The following PACRG variants were observed in gnomAD, a reference collection of about 807,000 sequenced individuals.
PACRG encodes the protein parkin coregulated.
A neutral mutation model predicts 29.7 loss-of-function variants in PACRG; 29 were observed. The ratio of observed to expected loss-of-function variants is 0.98; its 90% confidence interval spans 0.73 to 1.33. The LOEUF is 1.33. Among genes scored for constraint, PACRG ranks in the 40% most tolerant of loss-of-function variants. PACRG has a pLI of 0.00. For synonymous variants in PACRG, 116 were observed against 118.7 expected, an observed-to-expected ratio of 0.98 and a Z score of 0.15; for missense variants, 279 against 316.2, an observed-to-expected ratio of 0.88 and a Z score of 0.89.
At chr6:163,081,633 G>A (rs1813085951) in intron 3 of PACRG, among the ~76,000 whole-genome samples, 1 of 152,140 alleles carries the variant, frequency 6.6e-6, no homozygotes, top group South Asian at 2.1e-4. Flanking sequence ...GTGTGTGCCT[G>A]TAGTTCCAGC....
In PACRG at chr6:162,922,512, C is replaced by G. The variant is rs185831833; in HGVS notation, c.291+108231C>G. Among the ~76,000 whole-genome samples, 3 of 151,902 alleles carry G rather than the reference C, an allele frequency of 2.0e-5. No homozygotes were observed. The East Asian group carries it at 5.8e-4, about 29-fold the overall frequency. On this transcript the variant is annotated intron_variant, in intron 2 of 4. Transcript: ENST00000366888. Reference sequence around the variant, plus strand: ...ACCCTGCAGTGCAGTGGAACATATTCCTCCTATGTAGCTATAATTTGGTAT... The same window carrying G: ...ACCCTGCAGTGCAGTGGAACATATTGCTCCTATGTAGCTATAATTTGGTAT...
intron 2 of PACRG, among the ~76,000 whole-genome samples, chr6:162,997,163 ACTTTT>A (rs1173743776): frequency 6.6e-6 from 1 of 152,172 alleles, no homozygotes; most frequent in Non-Finnish European, 1.5e-5. Context: ...CCATTTTCTT[ACTTTT>A]CTTCAGAAAA....
chr6:162,762,745 A>C (rs1782477285), intron 1 of PACRG, among the ~76,000 whole-genome samples: 1 of 152,222 alleles, frequency 6.6e-6, no homozygotes, highest in Admixed American at 6.5e-5. Flanking sequence ...TTTAAAAATC[A>C]ATTTTACATA....
At chr6:162,962,824 G>A (rs1365778852) in intron 2 of PACRG, among the ~76,000 whole-genome samples, 1 of 152,196 alleles carries the variant, frequency 6.6e-6, no homozygotes, top group Non-Finnish European at 1.5e-5. Flanking sequence ...GAAGACAATG[G>A]ATAGTGACTG....
intron 1 of PACRG, among the ~76,000 whole-genome samples, chr6:162,786,448 C>T (rs1428629763): frequency 6.6e-6 from 1 of 152,146 alleles, no homozygotes; most frequent in Non-Finnish European, 1.5e-5. Flanking sequence ...GCCAATAGAA[C>T]ATGTGTGGAA....
At chr6:162,958,882 TATAGAGAGAGAGAGAGAGAGAGAGAGAG>T (rs1330531156) in intron 2 of PACRG, among the ~76,000 whole-genome samples, 13 of 15,122 alleles carry the variant, frequency 8.6e-4, no homozygotes, top group Non-Finnish European at 1.4e-3. Context: ...TATATATATA[TATAGAGAGAGAGAGAGAGAGAGAGAGAG>T]AGAGAGAGAG....
chr6:163,273,145 G>A (rs1420959098), intron 4 of PACRG, among the ~76,000 whole-genome samples: 4 of 146,314 alleles, frequency 2.7e-5, no homozygotes, highest in Admixed American at 1.3e-4. Context: ...CGCCCGCCTC[G>A]GCCTCCCAAA....
intron 3 of PACRG, among the ~76,000 whole-genome samples, chr6:163,083,048 C>CT (rs908564589): frequency 8.5e-5 from 13 of 152,300 alleles, no homozygotes; most frequent in African/African-American, 3.1e-4. Flanking sequence ...ATCAGGGCGT[C>CT]TCCTCTTTTC....
chr6:162,783,400 T>C (rs1302090672), intron 1 of PACRG, among the ~76,000 whole-genome samples: 4 of 151,978 alleles, frequency 2.6e-5, no homozygotes, highest in African/African-American at 7.2e-5. Context: ...TTTTTAAGCA[T>C]TCTTACTCAT....
intron 2 of PACRG, among the ~76,000 whole-genome samples, chr6:163,018,448 C>T (rs1379213811): frequency 6.6e-6 from 1 of 152,202 alleles, no homozygotes; most frequent in East Asian, 1.9e-4. Flanking sequence ...AGTATTCCCT[C>T]ATTTGTTAAG....
In PACRG at chr6:163,292,265, G is replaced by A. The variant is rs553869836; in HGVS notation, c.614-22562G>A. 2.6e-5 allele frequency among the ~76,000 whole-genome samples: 4 copies of A among 152,218 alleles called. No individual in the cohort carries two copies. In the East Asian group the frequency reaches 7.7e-4, roughly 29 times the overall value. ...CAGCTCCTCCTGCACTTTCACAAGT[G>A]GCAAGACCCAACTCTTTTGGTAGCG... is the stretch of plus-strand genomic sequence containing the variant. On this transcript the variant is annotated intron_variant, in intron 4 of 4. Transcript: ENST00000366888.
At chr6:163,167,633 T>G (rs982215442) in intron 4 of PACRG, among the ~76,000 whole-genome samples, 4 of 152,206 alleles carry the variant, frequency 2.6e-5, no homozygotes, top group African/African-American at 9.6e-5. Flanking sequence ...AACATAAAAT[T>G]GTATCATTTT....
intron 2 of PACRG, among the ~76,000 whole-genome samples, chr6:162,878,480 A>G (rs976264189): frequency 6.6e-6 from 1 of 152,180 alleles, no homozygotes; most frequent in Non-Finnish European, 1.5e-5. Context: ...CAAATATTGA[A>G]TAGACTGAAT....
chr6:162,785,434 C>T (rs1221279852), intron 1 of PACRG, among the ~76,000 whole-genome samples: 1 of 152,164 alleles, frequency 6.6e-6, no homozygotes, highest in East Asian at 1.9e-4. Flanking sequence ...AAGCAAGAAG[C>T]GAACTGTGAA....
intron 4 of PACRG, among the ~76,000 whole-genome samples, chr6:163,249,568 C>T (rs73028035): frequency 0.014 from 2,101 of 152,310 alleles, 30 homozygotes; most frequent in Middle Eastern, 0.054. Context: ...CCAACTCTCT[C>T]GCCTCCTGTG....
intron 3 of PACRG, among the ~76,000 whole-genome samples, chr6:163,069,842 A>G (rs940232531): frequency 1.4e-4 from 22 of 152,306 alleles, no homozygotes; most frequent in Admixed American, 5.2e-4. Context: ...TTTAAGCCAA[A>G]GAAGACTACC....
At chr6:162,993,121 T>G (rs1361335989) in intron 2 of PACRG, among the ~76,000 whole-genome samples, 5 of 150,264 alleles carry the variant, frequency 3.3e-5, no homozygotes, top group African/African-American at 1.2e-4. Context: ...TGTTATAATT[T>G]CTGTTCTTTT....
chr6:163,182,208 C>A (rs1481122771), intron 4 of PACRG, among the ~76,000 whole-genome samples: 1 of 152,232 alleles, frequency 6.6e-6, no homozygotes, highest in Non-Finnish European at 1.5e-5. Context: ...GAGCCCACTG[C>A]TTCCCACCAA....
At chr6:162,727,516 G>GCGGCGCGGGCCGGGGA (rs1342972059), upstream of PACRG, 2 of 892,920 alleles carry the variant, frequency 2.2e-6, no homozygotes, top group Non-Finnish European at 3.4e-6. Context: ...GGGGAGCCCG[G>GCGGCGCGGGCCGGGGA]CGGCGCGGGC....
Sources: gnomAD v4.1 joint callset for allele counts (sites outside exome capture counted in the v4.1 genomes callset) on GRCh38, gnomAD v4.1.1 for gene constraint, MANE v1.5 for transcripts, NCBI Gene and HGNC (gene_info 2026-07-23, HGNC 2026-07-21) for gene names.